Variants in OS9 observed in about 807,000 individuals in gnomAD.
OS9 encodes the protein OS9 endoplasmic reticulum lectin.
OS9 carries 58 observed loss-of-function variants against 84.7 expected under a neutral mutation model. The observed-to-expected ratio is 0.68, with a 90% CI of 0.55 to 0.85. OS9 has a LOEUF of 0.85. OS9 is among the 40% of genes least tolerant of loss of function. The probability of loss-of-function intolerance (pLI) is 0.00; values close to 1 mark genes in which losing one functional copy is unlikely to be tolerated. For synonymous variants in OS9, 278 were observed against 320.8 expected, an observed-to-expected ratio of 0.87 and a Z score of 1.43; for missense variants, 760 against 850.9, an observed-to-expected ratio of 0.89 and a Z score of 1.33.
chr12:57,716,247 C>A, intron 7 of OS9, 54 bp downstream of exon 7: 2 of 1,181,438 alleles, frequency 1.7e-6, no homozygotes, highest in South Asian at 1.3e-5. Flanking sequence ...CTTCCCTTCC[C>A]CTGATCTTAC....
chr12:57,718,048 TC>T (rs1954557906), intron 10 of OS9, 90 bp downstream of exon 10: 2 of 1,522,156 alleles, frequency 1.3e-6, no homozygotes, highest in Admixed American at 1.8e-5. Flanking sequence ...AACTCCTGGG[TC>T]CCCCAGTACC....
At chr12:57,700,336 A>G (rs1400041995) in intron 5 of OS9, among the ~76,000 whole-genome samples, 1 of 151,994 alleles carries the variant, frequency 6.6e-6, no homozygotes, top group Non-Finnish European at 1.5e-5. Context: ...TGTGAAAAGA[A>G]TGTGGACAGG....
chr12:57,719,886 C>T lies in OS9; in HGVS notation c.1601-213C>T, dbSNP rs115464861. On this transcript the variant is annotated intron_variant, in intron 12 of 14. Transcript: ENST00000315970. ...TGACGGGCAGAATTATTGGGTAGGG[C>T]GGGAAGATGGAAGGCTGCAATTGGT... 513 of 512,672 alleles carry T rather than the reference C, an allele frequency of 1.0e-3. 1 individual carries two copies. The highest frequency in any genetic ancestry group is 9.0e-3 in the African/African-American group (467 of 52,048). The allele number at this position is 512,672 out of a possible 1,614,324, so 31.8% of individuals were successfully genotyped here.
intron 11 of OS9, 45 bp downstream of exon 11, chr12:57,718,466 C>G (rs376139631): frequency 1.8e-5 from 28 of 1,589,238 alleles, no homozygotes; most frequent in South Asian, 8.1e-5. Flanking sequence ...CCGCCTGGTC[C>G]CGTGGAGCAG....
At position 57,696,388 on chromosome 12, in the gene OS9, A is replaced by G; in HGVS notation, c.579+15A>G. ...CCGAGGTTCGGGTGAGTCTTGAGAG[A>G]GGGAAGTTGACACTCCCACAGGGAC... On this transcript the variant is annotated intron_variant, in intron 5 of 14. Coordinates refer to ENST00000315970, the MANE Select transcript of OS9 (RefSeq NM_006812.4). 4.5e-6 allele frequency: 6 copies of G among 1,335,682 alleles called. No homozygotes were observed. Among genetic ancestry groups the G allele is most frequent in the Non-Finnish European group, 6.0e-6 (6 of 1,002,970 alleles). The allele number at this position is 1,335,682 out of a possible 1,614,324, so 82.7% of individuals were successfully genotyped here. A position where few individuals can be genotyped will look rare whatever the true frequency, so the allele number is the denominator to read the frequency against.
At chr12:57,719,955 T>G (rs1480473632) in intron 12 of OS9, 144 bp from the exon 13 acceptor site, 1 of 748,254 alleles carries the variant, frequency 1.3e-6, no homozygotes. Context: ...GGGGCACACA[T>G]TTTTTTGAGC....
In OS9 at chr12:57,694,369, G is replaced by A. The variant is rs748821087; in HGVS notation, c.162+46G>A. The A allele has an allele frequency of 1.9e-6, 3 of 1,600,286 alleles. No homozygotes were observed. In the Admixed American group the frequency reaches 5.0e-5, roughly 27 times the overall value. On this transcript the variant is annotated intron_variant, in intron 1 of 14. Transcript: ENST00000315970. ...GAGGGTCTGGGCAGAAGAGGAAGCG[G>A]GTAAGAGATAGAGGAAGAAGGGCAG...
At chr12:57,708,093 A>C (rs1954223547) in intron 5 of OS9, among the ~76,000 whole-genome samples, 1 of 152,038 alleles carries the variant, frequency 6.6e-6, no homozygotes, top group African/African-American at 2.4e-5. Flanking sequence ...CATCATCTCA[A>C]ATTTTTTAAA....
rs150721752 is a variant in OS9 at position 57,715,771 on chromosome 12, C to T, written c.591C>T (p.Asp197=). ...PREAEVRFLC[D]EGAGISGDYI... ...TTCTGTCCTGGCAGTTCCTCTGTGA[C>T]GAGGGTGCAGGTATCTCTGGGGACT... Residue 197 remains aspartate, a synonymous_variant, in exon 6 of 15, where the codon GAC becomes GAT. Coordinates refer to ENST00000315970, the MANE Select transcript of OS9 (RefSeq NM_006812.4). 5.9e-5 allele frequency: 95 copies of T among 1,604,302 alleles called. No individual in the cohort carries two copies. Among genetic ancestry groups the T allele is most frequent in the African/African-American group, 5.5e-4 (41 of 74,794 alleles).
chr12:57,718,998 G>C lies in OS9; in HGVS notation c.1416G>C (p.Glu472Asp). The change falls in exon 12 of 15, where the codon GAG becomes GAC. Residue 472 changes from glutamate (E) to aspartate (D), a missense_variant. Glu to Asp is a conservative substitution (Grantham distance 45). Coordinates refer to ENST00000315970, the MANE Select transcript of OS9 (RefSeq NM_006812.4). ...RELENIIQET[E>D]KELDPDGLKK... ...TCTTCTCTTGGGTATTCCAGACAGA[G>C]AAAGAGCTGGACCCAGATGGGCTGA... The C allele has an allele frequency of 6.2e-7, 1 of 1,612,998 alleles. No homozygotes were observed. Among genetic ancestry groups the C allele is most frequent in the Non-Finnish European group, 8.5e-7 (1 of 1,179,560 alleles).
At position 57,720,188 on chromosome 12, in the gene OS9, C is replaced by CG. The variant is rs1188740211; in HGVS notation, c.1693dup (p.Glu565GlyfsTer28). On this transcript the variant is annotated frameshift_variant, in exon 13 of 15. Coordinates refer to ENST00000315970, the MANE Select transcript of OS9 (RefSeq NM_006812.4). LOFTEE classifies it high-confidence loss of function. ...GGATCTGACTGTCCTCGAGATGAAA[C>CG]GGGAAAACCCACAGCTGAAACAAAT... 6.2e-6 allele frequency: 10 copies of CG among 1,614,058 alleles called. No individual in the cohort carries two copies. The highest frequency in any genetic ancestry group is 5.3e-5 in the African/African-American group (4 of 74,920).
intron 5 of OS9, among the ~76,000 whole-genome samples, chr12:57,711,202 A>G (rs528280700): frequency 6.6e-6 from 1 of 152,136 alleles, no homozygotes; most frequent in East Asian, 1.9e-4. Flanking sequence ...GATTACAAAC[A>G]ATTATGAATG....
chr12:57,710,063 G>A (rs1954283968), intron 5 of OS9, among the ~76,000 whole-genome samples: 1 of 152,076 alleles, frequency 6.6e-6, no homozygotes, highest in Non-Finnish European at 1.5e-5. Flanking sequence ...ATGTTGGCCA[G>A]GCTGGTCTCA....
chr12:57,696,300 G>GCTAC lies in OS9; in HGVS notation c.508_511dup (p.His171LeufsTer15). Reference sequence around the variant, plus strand: ...GCCTCCAAGCAGCATCGTCTTAAACGCTACCACAGCCAGACCTATGGCAAT... The same window carrying GCTAC: ...GCCTCCAAGCAGCATCGTCTTAAACGCTACCTACCACAGCCAGACCTATGGCAAT... On this transcript the variant is annotated frameshift_variant, in exon 5 of 15. Transcript: ENST00000315970. LOFTEE classifies it high-confidence loss of function. 6.2e-7 allele frequency: 1 copy of GCTAC among 1,613,400 alleles called. No individual in the cohort carries two copies. The highest frequency in any genetic ancestry group is 8.5e-7 in the Non-Finnish European group (1 of 1,179,706).
At chr12:57,709,383 C>T (rs151178172) in intron 5 of OS9, among the ~76,000 whole-genome samples, 44 of 152,300 alleles carry the variant, frequency 2.9e-4, no homozygotes, top group African/African-American at 9.9e-4. Flanking sequence ...ATGGTTTCTA[C>T]GTGCTTCTGA....
At chr12:57,720,566 G>A (rs1954650208) in intron 14 of OS9, 48 bp downstream of exon 14, 4 of 1,425,668 alleles carry the variant, frequency 2.8e-6, no homozygotes, top group East Asian at 2.3e-5. Context: ...CTCCTGGAGT[G>A]GAGGTGCGGG....
At chr12:57,694,638 T>C (rs1329854979) in intron 1 of OS9, 112 bp from the exon 2 acceptor site, 1 of 1,124,822 alleles carries the variant, frequency 8.9e-7, no homozygotes, top group Non-Finnish European at 1.3e-6. Context: ...GCTTATGGCT[T>C]ATTCTGTCTT....
chr12:57,716,899 G>A (rs1353144000), intron 9 of OS9, among the ~76,000 whole-genome samples, 155 bp downstream of exon 9: 1 of 152,174 alleles, frequency 6.6e-6, no homozygotes, highest in Non-Finnish European at 1.5e-5. Context: ...AGACAGCACT[G>A]CTATTTTAGC....
intron 5 of OS9, among the ~76,000 whole-genome samples, chr12:57,712,579 G>A (rs1324093374): frequency 2.6e-5 from 4 of 151,928 alleles, no homozygotes; most frequent in Admixed American, 1.3e-4. Flanking sequence ...CTCACAGGTG[G>A]TTTCTGTTGC....
Sources: gnomAD v4.1 joint callset for allele counts (sites outside exome capture counted in the v4.1 genomes callset) on GRCh38, gnomAD v4.1.1 for gene constraint, MANE v1.5 for transcripts, NCBI Gene and HGNC (gene_info 2026-07-23, HGNC 2026-07-21) for gene names.